UBE2H: variants seen among roughly 807,000 people sequenced by gnomAD.
UBE2H encodes ubiquitin conjugating enzyme E2 H, also known as ubiquitin-conjugating enzyme E2 H.
Under a neutral mutation model 29.0 loss-of-function variants are expected in UBE2H, and 3 were observed. The ratio of observed to expected loss-of-function variants is 0.10; its 90% CI spans 0.05 to 0.27. UBE2H has a LOEUF of 0.27. Ranked by LOEUF, UBE2H falls within the 10% of genes least tolerant of loss-of-function variation. UBE2H has a pLI of 1.00. For missense variants in UBE2H, 68 were observed against 228.2 expected (o/e 0.30, Z 4.52); for synonymous variants, 69 against 82.9 (o/e 0.83, Z 0.91).
intron 5 of UBE2H, among the ~76,000 whole-genome samples, chr7:129,854,073 T>TTTTTATTTTTTTTTTA (rs1563023008): frequency 2.0e-5 from 3 of 150,100 alleles, no homozygotes; most frequent in Non-Finnish European, 4.5e-5. Flanking sequence ...TTTTTTTTTT[T>TTTTTATTTTTTTTTTA]TTTTTTTTTG....
chr7:129,889,228 A>C (rs1048722908), intron 1 of UBE2H, among the ~76,000 whole-genome samples: 5 of 152,332 alleles, frequency 3.3e-5, no homozygotes, highest in African/African-American at 1.2e-4. Flanking sequence ...TGTGGTGTGT[A>C]GGACTGGCTG....
At chr7:129,951,027 A>G (rs1456367450) in intron 1 of UBE2H, among the ~76,000 whole-genome samples, 1 of 152,122 alleles carries the variant, frequency 6.6e-6, no homozygotes, top group Non-Finnish European at 1.5e-5. Context: ...TACTGCTCCT[A>G]ATTTCTAACC....
chr7:129,871,713 C>CAAATAAAA (rs1554433111), intron 3 of UBE2H, among the ~76,000 whole-genome samples: 8,421 of 124,208 alleles, frequency 0.068, 265 homozygotes, highest in Middle Eastern at 0.1. Flanking sequence ...GACTCTGTAT[C>CAAATAAAA]AAAAAAAAAA....
intron 5 of UBE2H, among the ~76,000 whole-genome samples, chr7:129,843,900 T>C (rs1805469854): frequency 6.6e-6 from 1 of 152,224 alleles, no homozygotes; most frequent in South Asian, 2.1e-4. Flanking sequence ...TTTTATGTTC[T>C]GAAGTAATGT....
intron 3 of UBE2H, among the ~76,000 whole-genome samples, chr7:129,878,662 G>A (rs1405544451): frequency 6.5e-5 from 8 of 123,498 alleles, no homozygotes; most frequent in African/African-American, 2.2e-4. Flanking sequence ...CAGCCTGGGC[G>A]ACAGAGTGAG....
At chr7:129,871,787 T>C (rs1398881895) in intron 3 of UBE2H, among the ~76,000 whole-genome samples, 1 of 151,710 alleles carries the variant, frequency 6.6e-6, no homozygotes, top group Non-Finnish European at 1.5e-5. Context: ...ACTAAAGTCA[T>C]AACCACGGTT....
intron 1 of UBE2H, among the ~76,000 whole-genome samples, chr7:129,894,789 C>T (rs1806568177): frequency 6.6e-6 from 1 of 152,016 alleles, no homozygotes; most frequent in Admixed American, 6.6e-5. Context: ...GCGCCCGGCC[C>T]ATACCCATCA....
intron 5 of UBE2H, among the ~76,000 whole-genome samples, chr7:129,854,480 G>C (rs942131039): frequency 3.3e-5 from 5 of 152,170 alleles, no homozygotes; most frequent in African/African-American, 1.2e-4. Flanking sequence ...TCACACTCCT[G>C]TATTATGGAA....
chr7:129,857,913 T>C (rs1330537972), intron 4 of UBE2H, among the ~76,000 whole-genome samples: 1 of 152,222 alleles, frequency 6.6e-6, no homozygotes, highest in African/African-American at 2.4e-5. Flanking sequence ...GTTCATGCCC[T>C]GAATCTAATG....
chr7:129,932,054 C>T (rs1584794456), intron 1 of UBE2H, among the ~76,000 whole-genome samples: 2 of 151,280 alleles, frequency 1.3e-5, no homozygotes, highest in African/African-American at 2.4e-5. Context: ...AAACTCCTGA[C>T]CACGTGATCC....
intron 6 of UBE2H, among the ~76,000 whole-genome samples, chr7:129,835,698 A>G (rs1295331078): frequency 6.6e-6 from 1 of 152,198 alleles, no homozygotes. Context: ...TAGGCTGAAT[A>G]AGACTGCTGA....
At chr7:129,914,771 C>T (rs1285012890) in intron 1 of UBE2H, among the ~76,000 whole-genome samples, 1 of 152,168 alleles carries the variant, frequency 6.6e-6, no homozygotes, top group Non-Finnish European at 1.5e-5. Context: ...TTTAGTTGTT[C>T]AGAGTCAAAG....
At chr7:129,876,093 T>A (rs1248355630) in intron 3 of UBE2H, among the ~76,000 whole-genome samples, 1 of 152,244 alleles carries the variant, frequency 6.6e-6, no homozygotes. Flanking sequence ...CGTAGTATTT[T>A]ATTTACATTC....
At chr7:129,860,214 T>A (rs1252725136) in intron 3 of UBE2H, among the ~76,000 whole-genome samples, 1 of 152,194 alleles carries the variant, frequency 6.6e-6, no homozygotes, top group Non-Finnish European at 1.5e-5. Flanking sequence ...AGTAGTCCAG[T>A]CTTAGACCAC....
At chr7:129,896,164 G>A (rs1346128729) in intron 1 of UBE2H, among the ~76,000 whole-genome samples, 2 of 151,614 alleles carry the variant, frequency 1.3e-5, no homozygotes, top group African/African-American at 4.8e-5. Flanking sequence ...GCGAAACCCC[G>A]TCTCTACTAA....
At chr7:129,952,460 C>G (rs1297303727) in intron 1 of UBE2H, 43 bp downstream of exon 1, 2 of 1,604,006 alleles carry the variant, frequency 1.2e-6, no homozygotes, top group Admixed American at 1.7e-5. Context: ...CATCCCCACA[C>G]CGCCCCCCAC....
chr7:129,879,775 C>T (rs1563031988), intron 2 of UBE2H, 133 bp from the exon 3 acceptor site: 3 of 734,686 alleles, frequency 4.1e-6, no homozygotes, highest in Non-Finnish European at 6.8e-6. Flanking sequence ...CAGGGACCTA[C>T]TACAATCAAT....
intron 3 of UBE2H, among the ~76,000 whole-genome samples, chr7:129,865,639 C>T (rs1256807050): frequency 6.6e-6 from 1 of 152,226 alleles, no homozygotes; most frequent in Non-Finnish European, 1.5e-5. Flanking sequence ...GTGGTTCAGA[C>T]AGCTGTGGCT....
chr7:129,923,225 T>G (rs900374107), intron 1 of UBE2H, among the ~76,000 whole-genome samples: 5 of 152,202 alleles, frequency 3.3e-5, no homozygotes, highest in African/African-American at 9.7e-5. Context: ...GCCATTATTA[T>G]GCAATTCAAT....
Sources: gnomAD v4.1 joint callset for allele counts (sites outside exome capture counted in the v4.1 genomes callset) on GRCh38, gnomAD v4.1.1 for gene constraint, MANE v1.5 for transcripts, NCBI Gene and HGNC (gene_info 2026-07-23, HGNC 2026-07-21) for gene names.